GHRH: variants seen among roughly 807,000 people sequenced by gnomAD.
The protein encoded by GHRH is growth hormone releasing hormone, also known as somatoliberin.
A neutral mutation model predicts 15.6 loss-of-function variants in GHRH; 7 were observed. The ratio of observed to expected loss-of-function variants is 0.45; its 90% CI spans 0.26 to 0.84. The LOEUF is 0.84. Ranked by LOEUF, GHRH falls within the 40% of genes least tolerant of loss-of-function variation. The pLI is 0.18. For synonymous variants in GHRH, 54 were observed against 50.4 expected, an observed-to-expected ratio of 1.07 and a Z score of -0.30; for missense variants, 117 against 138.0, an observed-to-expected ratio of 0.85 and a Z score of 0.76.
intron 2 of GHRH, 65 bp from the exon 3 acceptor site, chr20:37,256,563 G>T (rs1600873305): frequency 2.0e-6 from 2 of 1,003,332 alleles, no homozygotes; most frequent in Non-Finnish European, 3.1e-6. Flanking sequence ...AGTCGTGGCT[G>T]CACTCGCCAT....
At chr20:37,256,026 TAAA>T (rs1377810676) in intron 3 of GHRH, among the ~76,000 whole-genome samples, 1 of 151,804 alleles carries the variant, frequency 6.6e-6, no homozygotes, top group Non-Finnish European at 1.5e-5. Flanking sequence ...ACCCTGTCTC[TAAA>T]AAAAAGAAAG....
At chr20:37,261,316 G>A (rs946267473) in intron 1 of GHRH, among the ~76,000 whole-genome samples, 3 of 152,052 alleles carry the variant, frequency 2.0e-5, no homozygotes, top group African/African-American at 4.8e-5. Flanking sequence ...TCAATTTCCC[G>A]GCAATTACAT....
In GHRH at chr20:37,251,175, AT is replaced by A; in HGVS notation, c.*37del. Reference sequence around the variant, plus strand: ...GAGAGGATTAACTGGATCCAGTTGCATTTTGGCTACAGGTAGCCCGGGTCAC... The same window carrying A: ...GAGAGGATTAACTGGATCCAGTTGCATTTGGCTACAGGTAGCCCGGGTCAC... On this transcript the variant is annotated 3_prime_UTR_variant, in exon 5 of 5. Coordinates refer to ENST00000373614, the MANE Select transcript of GHRH (RefSeq NM_021081.6). 1 of 1,532,146 alleles carries A rather than the reference AT, an allele frequency of 6.5e-7. No individual in the cohort carries two copies. The highest frequency in any genetic ancestry group is 8.9e-7 in the Non-Finnish European group (1 of 1,120,026). The allele number at this position is 1,532,146 out of a possible 1,614,324, so 94.9% of individuals were successfully genotyped here. A position where few individuals can be genotyped will look rare whatever the true frequency, so the allele number is the denominator to read the frequency against.
At chr20:37,253,488 T>C (rs2068635068) in intron 4 of GHRH, among the ~76,000 whole-genome samples, 1 of 152,228 alleles carries the variant, frequency 6.6e-6, no homozygotes, top group Non-Finnish European at 1.5e-5. Context: ...GTAACATTTT[T>C]GGGCATGGAC....
intron 4 of GHRH, among the ~76,000 whole-genome samples, chr20:37,252,875 C>T (rs1241054479): frequency 1.3e-5 from 2 of 152,134 alleles, no homozygotes; most frequent in Admixed American, 1.3e-4. Context: ...CCTGTCTCTA[C>T]TAAAAGTACA....
At chr20:37,257,583 A>G (rs1159456485) in intron 1 of GHRH, among the ~76,000 whole-genome samples, 1 of 152,168 alleles carries the variant, frequency 6.6e-6, no homozygotes, top group Non-Finnish European at 1.5e-5. Context: ...GGGAAGGTCA[A>G]AGAACCTTCT....
In GHRH at chr20:37,258,145, G is replaced by GTGCCAC. The variant is rs2068667639; in HGVS notation, c.-19-1243_-19-1238dup. On this transcript the variant is annotated intron_variant, in intron 1 of 4. Transcript: ENST00000373614. The surrounding 1 kb of genome is among the most constrained non-coding windows in gnomAD (Gnocchi z 4.1). ...ACAGAGCCCGCCTCCGCTGGGGCAA[G>GTGCCAC]TGCCACTGCTGTCAGCCCAGACCTG... is the stretch of plus-strand genomic sequence containing the variant. 6.6e-6 allele frequency among the ~76,000 whole-genome samples: 1 copy of GTGCCAC among 152,246 alleles called. No individual in the cohort carries two copies. Among genetic ancestry groups the GTGCCAC allele is most frequent in the African/African-American group, 2.4e-5 (1 of 41,472 alleles).
chr20:37,259,320 T>C (rs1449273453), intron 1 of GHRH, among the ~76,000 whole-genome samples: 1 of 152,134 alleles, frequency 6.6e-6, no homozygotes, highest in East Asian at 1.9e-4. Flanking sequence ...GTCCTCCTCA[T>C]CGCACCATAC....
chr20:37,260,393 T>C (rs1472698631), intron 1 of GHRH, among the ~76,000 whole-genome samples: 1 of 141,240 alleles, frequency 7.1e-6, no homozygotes, highest in Non-Finnish European at 1.5e-5. Context: ...CGAGACCCCA[T>C]CTCTACAAAA....
At chr20:37,251,987 G>A (rs1285187899) in intron 4 of GHRH, among the ~76,000 whole-genome samples, 4 of 152,262 alleles carry the variant, frequency 2.6e-5, no homozygotes, top group East Asian at 1.9e-4. Context: ...CTTTTAACTC[G>A]CGGGAACAAA....
chr20:37,258,947 C>T lies in GHRH; in HGVS notation c.-19-2039G>A, dbSNP rs986295996. ...TAAAGATAAAGTCTCACTATATTGC[C>T]GAGGCTGGTTTCAAACCCCCGGGCT... On this transcript the variant is annotated intron_variant, in intron 1 of 4. Coordinates refer to ENST00000373614, the MANE Select transcript of GHRH (RefSeq NM_021081.6). The surrounding 1 kb of genome is among the most constrained non-coding windows in gnomAD (Gnocchi z 4.1). Among the ~76,000 whole-genome samples, 3 of 152,114 alleles carry T rather than the reference C, an allele frequency of 2.0e-5. No individual in the cohort carries two copies. The highest frequency in any genetic ancestry group is 7.2e-5 in the African/African-American group (3 of 41,416).
chr20:37,253,905 T>C (rs6094193), intron 4 of GHRH, among the ~76,000 whole-genome samples: 1,560 of 152,278 alleles, frequency 0.01, 26 homozygotes, highest in African/African-American at 0.035. Context: ...CGTGAGCCAC[T>C]ACACCTGGCT....
At chr20:37,251,788 T>A (rs1282577642) in intron 4 of GHRH, among the ~76,000 whole-genome samples, 1 of 152,188 alleles carries the variant, frequency 6.6e-6, no homozygotes. Context: ...GTATGATGGC[T>A]GCAAAAGTGT....
At chr20:37,256,102 C>G (rs2068654250) in intron 3 of GHRH, among the ~76,000 whole-genome samples, 1 of 152,188 alleles carries the variant, frequency 6.6e-6, no homozygotes, top group African/African-American at 2.4e-5. Context: ...AGCACTGTGC[C>G]AAGTGTCTGT....
intron 4 of GHRH, among the ~76,000 whole-genome samples, chr20:37,252,857 G>T (rs1234181555): frequency 6.6e-6 from 1 of 152,188 alleles, no homozygotes; most frequent in Non-Finnish European, 1.5e-5. Flanking sequence ...TGGCCAACAT[G>T]GTGAAACCCT....
chr20:37,255,438 A>G (rs1302750229), intron 3 of GHRH, among the ~76,000 whole-genome samples: 1 of 152,056 alleles, frequency 6.6e-6, no homozygotes, highest in Non-Finnish European at 1.5e-5. Context: ...AGGCGGGCAG[A>G]TCACGAGGTC....
Position 37,251,108 on chromosome 20 carries a change from G to A in GHRH, c.*105C>T, listed in dbSNP as rs930374851. On this transcript the variant is annotated 3_prime_UTR_variant, in exon 5 of 5. Transcript: ENST00000373614. ...ACATTTAAATGCACACCGGTATGGG[G>A]GAATTTTATTGTATTTTCAAAGGAA... 1.4e-6 allele frequency: 1 copy of A among 710,192 alleles called. No homozygotes were observed. The highest frequency in any genetic ancestry group is 2.9e-5 in the East Asian group (1 of 34,462). The allele number at this position is 710,192 out of a possible 1,614,324, so 44.0% of individuals were successfully genotyped here. A position where few individuals can be genotyped will look rare whatever the true frequency, so the allele number is the denominator to read the frequency against.
chr20:37,254,178 C>T lies in GHRH; in HGVS notation c.308+32G>A, dbSNP rs775287109. ...ACCACGGGGTAGGAAGCCCTGAAGT[C>T]CCTAGATGCACCCATGCACACACAC... On this transcript the variant is annotated intron_variant, in intron 4 of 4. Coordinates refer to ENST00000373614, the MANE Select transcript of GHRH (RefSeq NM_021081.6). 8 of 1,613,264 alleles carry T rather than the reference C, an allele frequency of 5.0e-6. No homozygotes were observed. The Admixed American group carries it at 1.2e-4, about 24-fold the overall frequency.
intron 1 of GHRH, 88 bp from the exon 2 acceptor site, chr20:37,256,996 C>T: frequency 1.2e-6 from 1 of 800,470 alleles, no homozygotes; most frequent in Non-Finnish European, 2.1e-6. Context: ...GGCTCCATGG[C>T]AAGCCTTGGT....
Sources: gnomAD v4.1 joint callset for allele counts (sites outside exome capture counted in the v4.1 genomes callset) on GRCh38, gnomAD v4.1.1 for gene constraint, Gnocchi (gnomAD v3.1) non-coding constraint, MANE v1.5 for transcripts, NCBI Gene and HGNC (gene_info 2026-07-23, HGNC 2026-07-21) for gene names.